The following ANKRD36B variants were observed in gnomAD, a reference collection of about 807,000 sequenced individuals.
ANKRD36B encodes the protein ankyrin repeat domain-containing protein 36B.
In ANKRD36B, 37 loss-of-function variants were observed where a neutral mutation model predicts 135.7. The observed-to-expected ratio is 0.27, with a 90% CI of 0.21 to 0.36. The LOEUF (loss-of-function observed/expected upper bound fraction) is 0.36, where lower values mean the gene tolerates loss of function less well. Ranked by LOEUF, ANKRD36B falls within the 10% of genes least tolerant of loss-of-function variation. ANKRD36B has a pLI of 1.00. For missense variants in ANKRD36B, 549 were observed against 1,037.1 expected, an observed-to-expected ratio of 0.53 and a Z score of 6.46; for synonymous variants, 179 against 348.1, an observed-to-expected ratio of 0.51 and a Z score of 5.41.
At chr2:97,587,824 A>AT (rs2083124948) in intron 1 of ANKRD36B, among the ~76,000 whole-genome samples, 1 of 108,486 alleles carries the variant, frequency 9.2e-6, no homozygotes, top group Admixed American at 8.4e-5. Flanking sequence ...ACAGTATTTC[A>AT]TTCTTTTTTT....
rs550629255 is a variant in ANKRD36B at position 97,547,691 on chromosome 2, C to G, written c.1506+12G>C. ...ATTTACTAGTTCACAATATAAATGACAGTTTCATTACCTTCAAGCCTGGTG... is the reference window on the plus strand; with the variant it reads ...ATTTACTAGTTCACAATATAAATGAGAGTTTCATTACCTTCAAGCCTGGTG... On this transcript the variant is annotated intron_variant, in intron 21 of 43. Coordinates refer to ENST00000359901, the MANE Select transcript of ANKRD36B (RefSeq NM_001393939.1). 16 of 1,558,952 alleles carry G rather than the reference C, an allele frequency of 1.0e-5. No individual in the cohort carries two copies. In the East Asian group the frequency reaches 2.1e-4, roughly 21 times the overall value.
At chr2:97,556,772 G>GACCA (rs1199183648) in intron 12 of ANKRD36B, among the ~76,000 whole-genome samples, 165 bp downstream of exon 12, 1 of 151,828 alleles carries the variant, frequency 6.6e-6, no homozygotes, top group Non-Finnish European at 1.5e-5. Flanking sequence ...CATGACCAAG[G>GACCA]ACCAGCAGCA....
intron 6 of ANKRD36B, among the ~76,000 whole-genome samples, chr2:97,565,428 G>A (rs1384936167): frequency 6.6e-6 from 1 of 152,096 alleles, no homozygotes; most frequent in Non-Finnish European, 1.5e-5. Flanking sequence ...TACAGAATGG[G>A]AGGAAATGTT....
chr2:97,560,879 A>T lies in ANKRD36B; in HGVS notation c.764-19T>A, dbSNP rs769204544. ...GGAGACACTGAAAAGCAAAAGGGATACATAATCAATCATATGTAAATATGA... is the reference window on the plus strand; with the variant it reads ...GGAGACACTGAAAAGCAAAAGGGATTCATAATCAATCATATGTAAATATGA... On this transcript the variant is annotated intron_variant, in intron 6 of 43. Coordinates refer to ENST00000359901, the MANE Select transcript of ANKRD36B (RefSeq NM_001393939.1). 3.3e-5 allele frequency: 51 copies of T among 1,550,142 alleles called. No homozygotes were observed. The East Asian group carries it at 1.2e-3, about 35-fold the overall frequency.
chr2:97,564,736 C>A (rs1257935486), intron 6 of ANKRD36B, among the ~76,000 whole-genome samples: 1 of 152,086 alleles, frequency 6.6e-6, no homozygotes, highest in Non-Finnish European at 1.5e-5. Flanking sequence ...GTCTATATAT[C>A]TCTTTTGGTA....
rs534751630 is a variant in ANKRD36B at position 97,562,086 on chromosome 2, A to G, written c.764-1226T>C. On this transcript the variant is annotated intron_variant, in intron 6 of 43. Coordinates refer to ENST00000359901, the MANE Select transcript of ANKRD36B (RefSeq NM_001393939.1). ...TGATGTTTTTACATTTCCTGGATTC[A>G]GCAGTTCTACCTTCTCACTGTCTCT... Among the ~76,000 whole-genome samples the G allele has an allele frequency of 7.2e-5, 11 of 152,080 alleles. No individual in the cohort carries two copies. The East Asian group carries it at 7.7e-4, about 11-fold the overall frequency.
chr2:97,553,950 C>A (rs1291241943), intron 14 of ANKRD36B, among the ~76,000 whole-genome samples: 1 of 151,898 alleles, frequency 6.6e-6, no homozygotes, highest in African/African-American at 2.4e-5. Context: ...TTCATTATTT[C>A]TCATATCCAT....
At chr2:97,546,155 A>AT in intron 22 of ANKRD36B, among the ~76,000 whole-genome samples, 1 of 151,864 alleles carries the variant, frequency 6.6e-6, no homozygotes, top group East Asian at 1.9e-4. Flanking sequence ...ATGAGGACAA[A>AT]GTGATCTAAA....
intron 12 of ANKRD36B, among the ~76,000 whole-genome samples, chr2:97,556,108 A>G (rs2080498584): frequency 6.6e-6 from 1 of 151,952 alleles, no homozygotes; most frequent in Non-Finnish European, 1.5e-5. Context: ...CTACTCTGGA[A>G]TATCATTGTA....
At chr2:97,561,642 T>A (rs4996719) in intron 6 of ANKRD36B, among the ~76,000 whole-genome samples, 1 of 151,898 alleles carries the variant, frequency 6.6e-6, no homozygotes, top group African/African-American at 2.4e-5. Flanking sequence ...TGGAAATCAC[T>A]CCAATATTCC....
chr2:97,574,438 G>A (rs1231616738), intron 6 of ANKRD36B, among the ~76,000 whole-genome samples: 2 of 152,186 alleles, frequency 1.3e-5, no homozygotes, highest in African/African-American at 2.4e-5. Flanking sequence ...TACACTGTTG[G>A]TGGGACTGTA....
chr2:97,538,008 C>T (rs2078976222), intron 32 of ANKRD36B, among the ~76,000 whole-genome samples, 160 bp downstream of exon 32: 1 of 95,248 alleles, frequency 1.0e-5, no homozygotes, highest in South Asian at 2.4e-4. Context: ...CAAGGACCAG[C>T]AGCATCAACA....
At position 97,527,274 on chromosome 2, in the gene ANKRD36B, T is replaced by G. The variant is rs1215325049; in HGVS notation, c.2266-3807A>C. On this transcript the variant is annotated intron_variant, in intron 35 of 43. Coordinates refer to ENST00000359901, the MANE Select transcript of ANKRD36B (RefSeq NM_001393939.1). ...TCAACATTCTTAAAGAAAAGAATTT[T>G]CAACCCAGAATTTTGTACCCAGCCA... 3.1e-5 allele frequency among the ~76,000 whole-genome samples: 3 copies of G among 95,426 alleles called. 1 individual carries two copies. Among genetic ancestry groups the G allele is most frequent in the African/African-American group, 9.5e-5 (3 of 31,596 alleles). 62.6% of individuals were successfully genotyped at this position (95,426 alleles called of 152,430 possible).
At chr2:97,555,382 TG>T in intron 12 of ANKRD36B, 128 bp from the exon 13 acceptor site, 1 of 1,391,670 alleles carries the variant, frequency 7.2e-7, no homozygotes, top group Non-Finnish European at 9.8e-7. Flanking sequence ...TTTTTGTGTC[TG>T]GGGACTGGAA....
intron 6 of ANKRD36B, among the ~76,000 whole-genome samples, chr2:97,569,734 A>G (rs2081705625): frequency 6.6e-6 from 1 of 152,136 alleles, no homozygotes; most frequent in Non-Finnish European, 1.5e-5. Context: ...AAAGTTGTTA[A>G]TTTTTTAAAA....
intron 34 of ANKRD36B, 68 bp downstream of exon 34, chr2:97,536,232 A>T (rs1246748951): frequency 3.4e-6 from 2 of 580,480 alleles, no homozygotes; most frequent in Admixed American, 3.3e-5. Context: ...GAGAATAGAA[A>T]GACTATGAGC....
At chr2:97,555,196 A>G in intron 13 of ANKRD36B, 30 bp downstream of exon 13, 3 of 1,611,140 alleles carry the variant, frequency 1.9e-6, no homozygotes, top group Non-Finnish European at 1.7e-6. Context: ...TACAGTTACT[A>G]ATACAAAATA....
At chr2:97,548,025 A>AT (rs1231682385) in intron 20 of ANKRD36B, among the ~76,000 whole-genome samples, 6 of 151,838 alleles carry the variant, frequency 4.0e-5, no homozygotes, top group African/African-American at 1.4e-4. Flanking sequence ...ATGAGGACAA[A>AT]GTGATCTAAA....
rs1268907204 is a variant in ANKRD36B at position 97,537,238 on chromosome 2, T to C, written c.2090-742A>G. On this transcript the variant is annotated intron_variant, in intron 32 of 43. Coordinates refer to ENST00000359901, the MANE Select transcript of ANKRD36B (RefSeq NM_001393939.1). ...ATGGAATTGCTCCAGGCATTAGATA[T>C]TAATAAACTTACACATTTGGAAATC... 2.1e-5 allele frequency among the ~76,000 whole-genome samples: 2 copies of C among 96,358 alleles called. 1 individual carries two copies. Among genetic ancestry groups the C allele is most frequent in the African/African-American group, 6.2e-5 (2 of 32,182 alleles). 63.2% of individuals were successfully genotyped at this position (96,358 alleles called of 152,430 possible). A position where few individuals can be genotyped will look rare whatever the true frequency, so the allele number is the denominator to read the frequency against.
Sources: allele counts gnomAD v4.1 joint callset (sites outside exome capture counted in the v4.1 genomes callset), GRCh38; gene constraint gnomAD v4.1.1; transcripts MANE v1.5; gene names NCBI Gene and HGNC (gene_info 2026-07-23, HGNC 2026-07-21).